TNFRSF14: variants seen among roughly 807,000 people sequenced by gnomAD.
TNFRSF14 encodes tumor necrosis factor receptor superfamily member 14.
TNFRSF14 carries 18 observed loss-of-function variants against 34.1 expected under a neutral mutation model. The observed-to-expected ratio is 0.53, with a 90% confidence interval of 0.36 to 0.78. The LOEUF (loss-of-function observed/expected upper bound fraction) is 0.78, where lower values mean the gene tolerates loss of function less well. Ranked by LOEUF, TNFRSF14 falls within the 30% of genes least tolerant of loss-of-function variation. The pLI is 0.00. For missense variants in TNFRSF14, 352 were observed against 379.5 expected, an observed-to-expected ratio of 0.93 and a Z score of 0.60; for synonymous variants, 157 against 153.2, an observed-to-expected ratio of 1.02 and a Z score of -0.18.
chr1:2,556,440 G>A lies in TNFRSF14; in HGVS notation c.-225G>A, dbSNP rs953713978. 11 of 697,434 alleles carry A rather than the reference G, an allele frequency of 1.6e-5. No homozygotes were observed. Among genetic ancestry groups the A allele is most frequent in the African/African-American group, 1.6e-4 (9 of 57,170 alleles). The allele number at this position is 697,434 out of a possible 1,614,324, so 43.2% of individuals were successfully genotyped here. A position where few individuals can be genotyped will look rare whatever the true frequency, so the allele number is the denominator to read the frequency against. ...CCGCAGGGCCCACCTGTGTCCCCCA[G>A]CGCCGCTCCACCCAGCAGGCCTGAG... On this transcript the variant is annotated 5_prime_UTR_variant, in exon 1 of 8. Coordinates refer to ENST00000355716, the MANE Select transcript of TNFRSF14 (RefSeq NM_003820.4).
intron 2 of TNFRSF14, 58 bp downstream of exon 2, chr1:2,557,892 C>G: frequency 1.4e-6 from 2 of 1,385,172 alleles, no homozygotes; most frequent in Non-Finnish European, 2.0e-6. Context: ...ACTCTTGCCC[C>G]CTTCTGCCCC....
rs779108697 is a variant in TNFRSF14, at chr1:2,558,368, G to A, written c.204G>A (p.Gly68=). 6.8e-6 allele frequency: 11 copies of A among 1,609,856 alleles called. No homozygotes were observed. Among genetic ancestry groups the A allele is most frequent in the Non-Finnish European group, 9.3e-6 (11 of 1,178,482 alleles). Residue 68 remains glycine, a synonymous_variant, in exon 3 of 8, where the codon GGG becomes GGA. Coordinates refer to ENST00000355716, the MANE Select transcript of TNFRSF14 (RefSeq NM_003820.4). ...GTTATCGTGTGAAGGAGGCCTGCGG[G>A]GAGCTGACGGGCACAGTGTGTGAAC... is the stretch of plus-strand genomic sequence containing the variant. The part of the protein sequence containing the change: ...SPGYRVKEAC[G]ELTGTVCEPC...
At chr1:2,562,674 G>A in intron 6 of TNFRSF14, 191 bp from the exon 7 acceptor site, 1 of 753,160 alleles carries the variant, frequency 1.3e-6, no homozygotes, top group East Asian at 2.5e-5. Flanking sequence ...GGGCCTCCTG[G>A]GGACAGGCTG....
At chr1:2,555,029 G>A (rs1322707860), upstream of TNFRSF14, 2 of 152,210 alleles carry the variant, frequency 1.3e-5, no homozygotes, top group Non-Finnish European at 2.9e-5. This position sits in a 1 kb window ranked among gnomAD's most constrained non-coding sequence, Gnocchi z 6.3. Context: ...CTGGCAGGGG[G>A]CGCTGAGGGC....
chr1:2,560,279 T>C (rs1644288613), intron 4 of TNFRSF14, among the ~76,000 whole-genome samples: 2 of 152,146 alleles, frequency 1.3e-5, no homozygotes, highest in South Asian at 2.1e-4. Flanking sequence ...CCTGGGTTTA[T>C]GGGAGTGACC....
chr1:2,557,609 A>G (rs934720221), intron 1 of TNFRSF14, 117 bp from the exon 2 acceptor site: 24 of 739,776 alleles, frequency 3.2e-5, no homozygotes, highest in African/African-American at 3.1e-4. Context: ...TGTCCTCTCT[A>G]CCAGGCACTG....
upstream of TNFRSF14, among the ~76,000 whole-genome samples, chr1:2,554,491 G>C (rs1644185918): frequency 6.6e-6 from 1 of 152,142 alleles, no homozygotes; most frequent in Non-Finnish European, 1.5e-5. This position sits in a 1 kb window ranked among gnomAD's most constrained non-coding sequence, Gnocchi z 4.2. Flanking sequence ...CGGGGAGCAG[G>C]GAGCGGGGAC....
chr1:2,562,995 A>C, intron 7 of TNFRSF14, 99 bp downstream of exon 7: 1 of 1,504,604 alleles, frequency 6.6e-7, no homozygotes, highest in Non-Finnish European at 9.0e-7. Context: ...GGGGGCTCCC[A>C]GTTCTCTGAG....
intron 3 of TNFRSF14, chr1:2,558,690 G>T: frequency 1.8e-6 from 2 of 1,138,642 alleles, no homozygotes; most frequent in Non-Finnish European, 2.4e-6. Context: ...ACCGCCAGGT[G>T]GGCCATCCTG....
Position 2,563,657 on chromosome 1 carries a change from G to C in TNFRSF14, c.*384G>C. The C allele has an allele frequency of 3.6e-6, 1 of 277,562 alleles. No homozygotes were observed. Among genetic ancestry groups the C allele is most frequent in the Non-Finnish European group, 6.8e-6 (1 of 146,180 alleles). 17.2% of individuals were successfully genotyped at this position (277,562 alleles called of 1,614,324 possible). On this transcript the variant is annotated 3_prime_UTR_variant, in exon 8 of 8. Coordinates refer to ENST00000355716, the MANE Select transcript of TNFRSF14 (RefSeq NM_003820.4). ...CTCAGCAGGACAGGCCCCGGGCACT[G>C]CCTCACAGCCAAGGCTGGACTGGGT...
At chr1:2,562,972 T>G in intron 7 of TNFRSF14, 76 bp downstream of exon 7, 1 of 1,531,644 alleles carries the variant, frequency 6.5e-7, no homozygotes. Flanking sequence ...CTGGTGTTTC[T>G]GGTGTACATG....
intron 1 of TNFRSF14, 144 bp from the exon 2 acceptor site, chr1:2,557,581 TG>T: frequency 1.7e-6 from 1 of 593,000 alleles, no homozygotes; most frequent in Non-Finnish European, 2.8e-6. Flanking sequence ...TCCATGAGCC[TG>T]GCCTGGGGCC....
At position 2,563,630 on chromosome 1, in the gene TNFRSF14, G is replaced by A. The variant is rs1054655336; in HGVS notation, c.*357G>A. ...GCTGTCTGCGCGTCTGACTCTTGTG[G>A]CCTCAGCAGGACAGGCCCCGGGCAC... On this transcript the variant is annotated 3_prime_UTR_variant, in exon 8 of 8. Coordinates refer to ENST00000355716, the MANE Select transcript of TNFRSF14 (RefSeq NM_003820.4). 7 of 305,418 alleles carry A rather than the reference G, an allele frequency of 2.3e-5. No individual in the cohort carries two copies. Among genetic ancestry groups the A allele is most frequent in the Non-Finnish European group, 3.1e-5 (5 of 163,154 alleles). The allele number at this position is 305,418 out of a possible 1,614,324, so 18.9% of individuals were successfully genotyped here.
intron 1 of TNFRSF14, 190 bp downstream of exon 1, chr1:2,556,923 G>C: frequency 1.2e-5 from 7 of 572,328 alleles, no homozygotes; most frequent in South Asian, 4.9e-5. Flanking sequence ...GGGGTGAGCA[G>C]CAGAGCCACA....
intron 6 of TNFRSF14, 162 bp from the exon 7 acceptor site, chr1:2,562,703 A>G: frequency 1.1e-6 from 1 of 928,384 alleles, no homozygotes; most frequent in Non-Finnish European, 1.8e-6. Context: ...GTCCCAACAC[A>G]GTTGGCCTCC....
Position 2,561,141 on chromosome 1 carries a change from G to A in TNFRSF14, c.551+427G>A. 3.0e-6 allele frequency: 1 copy of A among 337,908 alleles called. No homozygotes were observed. The highest frequency in any genetic ancestry group is 5.4e-6 in the Non-Finnish European group (1 of 184,732). The allele number at this position is 337,908 out of a possible 1,614,324, so 20.9% of individuals were successfully genotyped here. ...AAATGCTGACCCTGGGCCCCTAACT[G>A]ACCTGAGACTTCAGAGCTTCTTGGG... is the stretch of plus-strand genomic sequence containing the variant. On this transcript the variant is annotated intron_variant, in intron 5 of 7. Transcript: ENST00000355716. The surrounding 1 kb of genome is among the most constrained non-coding windows in gnomAD (Gnocchi z 6.0).
intron 1 of TNFRSF14, 105 bp downstream of exon 1, chr1:2,556,838 C>T: frequency 1.6e-6 from 2 of 1,232,554 alleles, no homozygotes; most frequent in Non-Finnish European, 2.2e-6. Context: ...GTTGCTGGCT[C>T]CGGCGTCCAG....
chr1:2,559,183 A>G, intron 3 of TNFRSF14: 1 of 1,368,174 alleles, frequency 7.3e-7, no homozygotes, highest in Non-Finnish European at 9.6e-7. Context: ...ACAGAAGAGG[A>G]AGCTGGAGTG....
At position 2,563,361 on chromosome 1, in the gene TNFRSF14, G is replaced by C; in HGVS notation, c.*88G>C. On this transcript the variant is annotated 3_prime_UTR_variant, in exon 8 of 8. Coordinates refer to ENST00000355716, the MANE Select transcript of TNFRSF14 (RefSeq NM_003820.4). ...CCACCTGGCGGAACCACCGGAGCCCGGAGGCTTGGGGGCTCCGCCCTGGGC... is the reference window on the plus strand; with the variant it reads ...CCACCTGGCGGAACCACCGGAGCCCCGAGGCTTGGGGGCTCCGCCCTGGGC... The C allele has an allele frequency of 1.3e-6, 2 of 1,564,418 alleles. No homozygotes were observed. Among genetic ancestry groups the C allele is most frequent in the East Asian group, 2.3e-5 (1 of 44,392 alleles).
Sources: allele counts gnomAD v4.1 joint callset (sites outside exome capture counted in the v4.1 genomes callset), GRCh38; gene constraint gnomAD v4.1.1; non-coding constraint Gnocchi (gnomAD v3.1); transcripts MANE v1.5; gene names NCBI Gene and HGNC (gene_info 2026-07-23, HGNC 2026-07-21).